TRPM3: variants seen among roughly 807,000 people sequenced by gnomAD.
TRPM3 encodes the protein transient receptor potential cation channel subfamily M member 3.
In TRPM3, 77 loss-of-function variants were observed where a neutral mutation model predicts 181.2. The ratio of observed to expected loss-of-function variants is 0.42; its 90% CI spans 0.35 to 0.51. The LOEUF is 0.51. TRPM3 is among the 20% of genes least tolerant of loss of function. TRPM3 has a pLI of 0.01. For missense variants in TRPM3, 1,759 were observed against 2,196.7 expected (o/e 0.80, Z 3.98); for synonymous variants, 745 against 796.4 (o/e 0.94, Z 1.09).
chr9:70,911,240 T>A (rs555355615), intron 1 of TRPM3, among the ~76,000 whole-genome samples: 192 of 152,268 alleles, frequency 1.3e-3, no homozygotes, highest in African/African-American at 4.5e-3. Context: ...TTGGAAAGGA[T>A]TTTATTATTT....
At chr9:71,170,380 G>A (rs1382874854) in intron 1 of TRPM3, among the ~76,000 whole-genome samples, 2 of 152,214 alleles carry the variant, frequency 1.3e-5, no homozygotes, top group African/African-American at 4.8e-5. Flanking sequence ...GTCAGGATAA[G>A]TAGCAGCACT....
At chr9:71,118,855 A>G (rs1425911331) in intron 1 of TRPM3, among the ~76,000 whole-genome samples, 2 of 152,140 alleles carry the variant, frequency 1.3e-5, no homozygotes, top group Non-Finnish European at 2.9e-5. Context: ...AGGACATAAG[A>G]AATACTGTTA....
intron 1 of TRPM3, among the ~76,000 whole-genome samples, chr9:71,173,446 T>C (rs919077355): frequency 1.3e-4 from 20 of 152,166 alleles, no homozygotes; most frequent in African/African-American, 4.8e-4. Context: ...ATTGTAAACA[T>C]ATGTGGAAAG....
At chr9:70,761,477 C>G (rs1017732187) in intron 8 of TRPM3, 124 bp downstream of exon 8, 2 of 1,365,784 alleles carry the variant, frequency 1.5e-6, no homozygotes, top group African/African-American at 1.4e-5. Context: ...GCCAATGGAG[C>G]CTGAGGAGAG....
At chr9:71,079,076 T>G (rs1433277683) in intron 1 of TRPM3, among the ~76,000 whole-genome samples, 2 of 152,132 alleles carry the variant, frequency 1.3e-5, no homozygotes. Context: ...CTTGAATTCT[T>G]GGGGAGGCAG....
chr9:71,009,424 A>T (rs981326334), intron 1 of TRPM3, among the ~76,000 whole-genome samples: 1 of 152,222 alleles, frequency 6.6e-6, no homozygotes, highest in Non-Finnish European at 1.5e-5. Flanking sequence ...CATAAAAATC[A>T]TTAAAATTTC....
At chr9:71,355,955 A>G (rs1474637067) in intron 1 of TRPM3, among the ~76,000 whole-genome samples, 2 of 152,192 alleles carry the variant, frequency 1.3e-5, no homozygotes, top group East Asian at 3.9e-4. Flanking sequence ...GATCTAAACC[A>G]TTACACTTAG....
At chr9:70,854,752 G>T (rs534733251) in intron 3 of TRPM3, among the ~76,000 whole-genome samples, 2 of 152,080 alleles carry the variant, frequency 1.3e-5, no homozygotes, top group Admixed American at 6.6e-5. Context: ...TGTCATTAGC[G>T]TCACTGCCTG....
chr9:71,079,412 G>A (rs746665428), intron 1 of TRPM3, among the ~76,000 whole-genome samples: 23 of 152,282 alleles, frequency 1.5e-4, no homozygotes, highest in South Asian at 1.0e-3. Flanking sequence ...AAGGTGTGCT[G>A]TAATAAAGAC....
intron 1 of TRPM3, among the ~76,000 whole-genome samples, chr9:71,354,372 T>C (rs533388998): frequency 6.6e-6 from 1 of 152,096 alleles, no homozygotes; most frequent in East Asian, 1.9e-4. Context: ...CCGCATCCCA[T>C]CCACCCACAC....
intron 1 of TRPM3, among the ~76,000 whole-genome samples, chr9:70,990,111 C>A (rs1335168309): frequency 1.3e-5 from 2 of 152,138 alleles, no homozygotes; most frequent in African/African-American, 4.8e-5. Flanking sequence ...GAGTTCAGAA[C>A]CTAGAAATTC....
chr9:71,220,243 G>T (rs1339025901), intron 1 of TRPM3, among the ~76,000 whole-genome samples: 1 of 152,062 alleles, frequency 6.6e-6, no homozygotes, highest in Non-Finnish European at 1.5e-5. Flanking sequence ...TAGACTATTA[G>T]ATTTTACAAA....
chr9:70,817,949 G>T (rs774941687), intron 6 of TRPM3, among the ~76,000 whole-genome samples: 1 of 151,264 alleles, frequency 6.6e-6, no homozygotes, highest in East Asian at 1.9e-4. Context: ...AATATTTTTG[G>T]TTTTTTTTGG....
At chr9:71,059,424 T>C (rs572751428) in intron 1 of TRPM3, among the ~76,000 whole-genome samples, 1 of 152,050 alleles carries the variant, frequency 6.6e-6, no homozygotes, top group South Asian at 2.1e-4. Context: ...CTCCCTGGGT[T>C]GGACCCCGAT....
rs1422003635 is a variant in TRPM3 at position 70,530,854 on chromosome 9, A to G, written c.*5099T>C. On this transcript the variant is annotated 3_prime_UTR_variant, in exon 26 of 26. Transcript: ENST00000677713. Reference sequence around the variant, plus strand: ...AGTTTTGTCTACTCATTTTAGGAGCAGTCATTTTCAAAACTGTGCAAATTG... The same window carrying G: ...AGTTTTGTCTACTCATTTTAGGAGCGGTCATTTTCAAAACTGTGCAAATTG... 1 of 152,238 alleles carries G rather than the reference A, an allele frequency of 6.6e-6. No homozygotes were observed. The highest frequency in any genetic ancestry group is 1.5e-5 in the Non-Finnish European group (1 of 68,038). The allele number at this position is 152,238 out of a possible 1,614,324, so 9.4% of individuals were successfully genotyped here.
At chr9:70,977,195 CA>C (rs1011635625) in intron 1 of TRPM3, among the ~76,000 whole-genome samples, 1 of 152,126 alleles carries the variant, frequency 6.6e-6, no homozygotes, top group Admixed American at 6.5e-5. Flanking sequence ...AGTGCAGTGG[CA>C]CGATCTCGGC....
At chr9:70,873,001 C>T (rs1023815472) in intron 1 of TRPM3, among the ~76,000 whole-genome samples, 6 of 151,816 alleles carry the variant, frequency 4.0e-5, no homozygotes, top group Non-Finnish European at 7.4e-5. Context: ...AATGGCTAAA[C>T]CTGCAAATTT....
chr9:71,299,971 G>A (rs2086628532), intron 1 of TRPM3, among the ~76,000 whole-genome samples: 1 of 152,100 alleles, frequency 6.6e-6, no homozygotes, highest in South Asian at 2.1e-4. Flanking sequence ...TTCTAGGAAA[G>A]TCTAGTAAAG....
chr9:71,122,950 C>T (rs376551757), upstream of TRPM3, among the ~76,000 whole-genome samples: 4 of 152,164 alleles, frequency 2.6e-5, no homozygotes, highest in South Asian at 2.1e-4. Context: ...AAAATAATAA[C>T]GGCTCACATG....
Sources: allele counts gnomAD v4.1 joint callset (sites outside exome capture counted in the v4.1 genomes callset), GRCh38; gene constraint gnomAD v4.1.1; transcripts MANE v1.5; gene names NCBI Gene and HGNC (gene_info 2026-07-23, HGNC 2026-07-21).